WWOX: variants seen among roughly 807,000 people sequenced by gnomAD.
WWOX encodes WW domain containing oxidoreductase, also known as WW domain-containing oxidoreductase.
A neutral mutation model predicts 46.2 loss-of-function variants in WWOX; 69 were observed. The observed-to-expected ratio is 1.49, with a 90% confidence interval of 1.23 to 1.82. The LOEUF (loss-of-function observed/expected upper bound fraction) is 1.82. Ranked by LOEUF, WWOX falls within the 40% of genes most tolerant of loss-of-function variation. The probability of loss-of-function intolerance (pLI) is 0.00; values close to 1 mark genes in which losing one functional copy is unlikely to be tolerated. For missense variants in WWOX, 919 were observed against 542.6 expected (o/e 1.69, Z -6.89); for synonymous variants, 359 against 202.6 (o/e 1.77, Z -6.56).
chr16:79,036,952 C>T (rs2047879005), intron 8 of WWOX, among the ~76,000 whole-genome samples: 1 of 152,200 alleles, frequency 6.6e-6, no homozygotes, highest in African/African-American at 2.4e-5. Context: ...GTTATCTTGG[C>T]TCCATTTAGC....
intron 8 of WWOX, among the ~76,000 whole-genome samples, chr16:78,687,985 C>G (rs2047900672): frequency 6.6e-6 from 1 of 152,024 alleles, no homozygotes; most frequent in Non-Finnish European, 1.5e-5. Context: ...AATGAACTTG[C>G]TACTTGGTTT....
chr16:78,224,037 T>C (rs1462667943), intron 5 of WWOX, among the ~76,000 whole-genome samples: 1 of 152,136 alleles, frequency 6.6e-6, no homozygotes, highest in African/African-American at 2.4e-5. Flanking sequence ...GGAGTCTTGC[T>C]CTGTTGCCCA....
intron 8 of WWOX, among the ~76,000 whole-genome samples, chr16:79,059,609 G>T (rs1227652451): frequency 6.6e-6 from 1 of 152,112 alleles, no homozygotes; most frequent in East Asian, 1.9e-4. Flanking sequence ...TCCTGCCTCA[G>T]CCTGCCTCCC....
At chr16:78,895,858 G>C (rs1399849558) in intron 8 of WWOX, 2 of 152,118 alleles carry the variant, frequency 1.3e-5, no homozygotes, top group Non-Finnish European at 2.9e-5. Context: ...CTCATGCCAG[G>C]AAGCTGATAC....
chr16:78,927,789 A>T (rs2045532556), intron 8 of WWOX, among the ~76,000 whole-genome samples: 1 of 152,140 alleles, frequency 6.6e-6, no homozygotes, highest in Non-Finnish European at 1.5e-5. Context: ...TTGCCTGTGT[A>T]TCCTTGAATA....
chr16:78,360,683 C>G (rs529083558), intron 5 of WWOX, among the ~76,000 whole-genome samples: 11 of 44,460 alleles, frequency 2.5e-4, no homozygotes, highest in Non-Finnish European at 5.9e-4. Context: ...ATAATCAAAA[C>G]TAGAAAATAG....
chr16:79,006,218 C>A (rs74032480), intron 8 of WWOX, among the ~76,000 whole-genome samples: 1 of 152,170 alleles, frequency 6.6e-6, no homozygotes, highest in Non-Finnish European at 1.5e-5. Flanking sequence ...ACTTCCCAGT[C>A]TTTAAGGATA....
chr16:78,726,071 T>TTCCCTCCCTCCCTCGTCCTCCCTCCC, intron 8 of WWOX, among the ~76,000 whole-genome samples: 1 of 96,652 alleles, frequency 1.0e-5, no homozygotes, highest in East Asian at 3.6e-4. Flanking sequence ...CCTGCTTCCC[T>TTCCCTCCCTCCCTCGTCCTCCCTCCC]TCCCTCCCTC....
At chr16:79,049,737 G>C (rs191375875) in intron 8 of WWOX, among the ~76,000 whole-genome samples, 20 of 151,780 alleles carry the variant, frequency 1.3e-4, no homozygotes, top group African/African-American at 3.9e-4. Flanking sequence ...TTGGGAGGCT[G>C]AGGCAGAGAA....
chr16:78,332,965 T>A (rs1238157367), intron 5 of WWOX, among the ~76,000 whole-genome samples: 4 of 151,506 alleles, frequency 2.6e-5, no homozygotes, highest in African/African-American at 9.7e-5. Context: ...TCAGAACCCT[T>A]GTACTTATAA....
chr16:79,116,639 A>G (rs2049521191), intron 8 of WWOX, among the ~76,000 whole-genome samples: 1 of 152,140 alleles, frequency 6.6e-6, no homozygotes, highest in Non-Finnish European at 1.5e-5. Context: ...TTTCTACCAC[A>G]TATGAGTCTT....
At chr16:78,734,723 A>G (rs982265836) in intron 8 of WWOX, among the ~76,000 whole-genome samples, 18 of 151,082 alleles carry the variant, frequency 1.2e-4, no homozygotes, top group African/African-American at 3.9e-4. Flanking sequence ...ATTACAGCAG[A>G]TTGTTCTCAA....
At chr16:78,175,425 C>T (rs979516577) in intron 5 of WWOX, among the ~76,000 whole-genome samples, 1 of 152,200 alleles carries the variant, frequency 6.6e-6, no homozygotes, top group African/African-American at 2.4e-5. Context: ...TACTTAGTGA[C>T]TCACTCTCCA....
chr16:78,865,950 T>C (rs2043994260), intron 8 of WWOX, among the ~76,000 whole-genome samples: 1 of 152,196 alleles, frequency 6.6e-6, no homozygotes, highest in Non-Finnish European at 1.5e-5. Flanking sequence ...TTGTTTTGGT[T>C]TTAACAATAA....
At chr16:78,334,505 A>T (rs2080834261) in intron 5 of WWOX, among the ~76,000 whole-genome samples, 1 of 152,164 alleles carries the variant, frequency 6.6e-6, no homozygotes, top group Non-Finnish European at 1.5e-5. Context: ...TAATGGCAAA[A>T]ATATCAGAAA....
At chr16:78,532,228 T>C (rs1485959468) in intron 8 of WWOX, among the ~76,000 whole-genome samples, 1 of 152,192 alleles carries the variant, frequency 6.6e-6, no homozygotes, top group Non-Finnish European at 1.5e-5. Context: ...GGTATCACTT[T>C]AAAATGAAAA....
At position 79,104,110 on chromosome 16, in the gene WWOX, C is replaced by T. The variant is rs572038924; in HGVS notation, c.1057-107498C>T. 4.9e-5 allele frequency among the ~76,000 whole-genome samples: 7 copies of T among 141,730 alleles called. No homozygotes were observed. The East Asian group carries it at 1.2e-3, about 25-fold the overall frequency. The allele number at this position is 141,730 out of a possible 152,430, so 93.0% of individuals were successfully genotyped here. A position where few individuals can be genotyped will look rare whatever the true frequency, so the allele number is the denominator to read the frequency against. ...AAGATAATCAACAATTTTTCTTTTT[C>T]AGCCCTGGGAGGCTCTAAAGCTGGA... On this transcript the variant is annotated intron_variant, in intron 8 of 8. Transcript: ENST00000566780.
intron 4 of WWOX, among the ~76,000 whole-genome samples, chr16:78,130,748 C>G (rs1022449619): frequency 6.6e-6 from 1 of 152,216 alleles, no homozygotes; most frequent in Non-Finnish European, 1.5e-5. Context: ...AATTAACAAA[C>G]ATTTATTGAC....
At chr16:78,762,584 A>C (rs776881453) in intron 8 of WWOX, among the ~76,000 whole-genome samples, 3 of 152,196 alleles carry the variant, frequency 2.0e-5, no homozygotes, top group Non-Finnish European at 4.4e-5. Flanking sequence ...GTGACACAGT[A>C]CTAACAGTGG....
Sources: allele counts gnomAD v4.1 joint callset (sites outside exome capture counted in the v4.1 genomes callset), GRCh38; gene constraint gnomAD v4.1.1; transcripts MANE v1.5; gene names NCBI Gene and HGNC (gene_info 2026-07-23, HGNC 2026-07-21).